Variants in PRUNE1 observed in about 807,000 individuals in gnomAD.
The protein encoded by PRUNE1 is prune exopolyphosphatase 1, also known as exopolyphosphatase PRUNE1.
Under a neutral mutation model 42.5 loss-of-function variants are expected in PRUNE1, and 25 were observed. The observed-to-expected ratio is 0.59, with a 90% CI of 0.43 to 0.82. The LOEUF (loss-of-function observed/expected upper bound fraction) is 0.82. Ranked by LOEUF, PRUNE1 falls within the 40% of genes least tolerant of loss-of-function variation. The pLI is 0.00. For synonymous variants in PRUNE1, 203 were observed against 217.1 expected, an observed-to-expected ratio of 0.93 and a Z score of 0.57; for missense variants, 443 against 539.3, an observed-to-expected ratio of 0.82 and a Z score of 1.77.
chr1:151,030,936 G>A (rs1292427334), intron 7 of PRUNE1, among the ~76,000 whole-genome samples: 3 of 152,110 alleles, frequency 2.0e-5, no homozygotes, highest in Admixed American at 6.6e-5. Context: ...ATCATTAAAC[G>A]TAATATCATG....
chr1:151,021,452 T>C (rs1303251919), intron 3 of PRUNE1, among the ~76,000 whole-genome samples: 4 of 152,132 alleles, frequency 2.6e-5, no homozygotes. Context: ...CGAAACTCCG[T>C]CTCAAAAAAA....
Position 151,019,979 on chromosome 1 carries a change from G to C in PRUNE1, c.335+1310G>C, listed in dbSNP as rs587761488. On this transcript the variant is annotated intron_variant, in intron 3 of 7. Transcript: ENST00000271620. The stretch of plus-strand genomic sequence containing the variant: ...CCTGAGTAGCTGGGATTACAGGTGC[G>C]CGCCACCATGCCCAGCTAATTTTTA... Among the ~76,000 whole-genome samples, 14 of 150,772 alleles carry C rather than the reference G, an allele frequency of 9.3e-5. No homozygotes were observed. In the East Asian group the frequency reaches 2.8e-3, roughly 30 times the overall value.
Position 151,015,633 on chromosome 1 carries a change from C to CA in PRUNE1, c.40-2158dup, listed in dbSNP as rs34251388. ...TGGGCGACAGAGTGAGACTCCATCTCAAAAAAAAAAAAAAAAAAAAATTAG... is the reference window on the plus strand; with the variant it reads ...TGGGCGACAGAGTGAGACTCCATCTCAAAAAAAAAAAAAAAAAAAAAATTAG... On this transcript the variant is annotated intron_variant, in intron 1 of 7. Coordinates refer to ENST00000271620, the MANE Select transcript of PRUNE1 (RefSeq NM_021222.3). 2.6e-3 allele frequency among the ~76,000 whole-genome samples: 227 copies of CA among 86,780 alleles called. 1 individual carries two copies. The highest frequency in any genetic ancestry group is 6.0e-3 in the Middle Eastern group (1 of 168). 56.9% of individuals were successfully genotyped at this position (86,780 alleles called of 152,430 possible).
At chr1:151,029,726 A>T (rs1010026709) in intron 7 of PRUNE1, among the ~76,000 whole-genome samples, 1 of 146,218 alleles carries the variant, frequency 6.8e-6, no homozygotes, top group Non-Finnish European at 1.5e-5. Context: ...TCTGTTGGGG[A>T]AAAAAAAAAA....
At chr1:151,027,374 A>G in intron 6 of PRUNE1, 47 bp downstream of exon 6, 2 of 1,332,022 alleles carry the variant, frequency 1.5e-6, no homozygotes, top group South Asian at 1.2e-5. Flanking sequence ...GCCTTTAGCT[A>G]TGCATGTTAT....
At chr1:151,012,643 C>A (rs587645969) in intron 1 of PRUNE1, among the ~76,000 whole-genome samples, 2 of 152,244 alleles carry the variant, frequency 1.3e-5, no homozygotes, top group South Asian at 4.1e-4. Flanking sequence ...TAGACTTGAA[C>A]AACGGGGAGA....
chr1:151,028,333 G>A (rs934523425), intron 6 of PRUNE1, among the ~76,000 whole-genome samples: 6 of 151,806 alleles, frequency 4.0e-5, no homozygotes, highest in South Asian at 2.1e-4. Context: ...TCTGCCTCCC[G>A]GGTTCAAGTA....
In PRUNE1 at chr1:151,008,565, G is replaced by C. The variant is rs1332352624; in HGVS notation, c.-68G>C. The C allele has an allele frequency of 1.3e-6, 2 of 1,585,746 alleles. No homozygotes were observed. The highest frequency in any genetic ancestry group is 3.3e-5 in the Admixed American group (2 of 59,978). On this transcript the variant is annotated 5_prime_UTR_variant, in exon 1 of 8. Coordinates refer to ENST00000271620, the MANE Select transcript of PRUNE1 (RefSeq NM_021222.3). ...AGTCCCGGGCGGGCTGCATTCGTCG[G>C]GGAAACCTCTCCTCGACCAGGGGCA...
At chr1:151,017,755 A>G (rs1266785180) in intron 1 of PRUNE1, 57 bp from the exon 2 acceptor site, 43 of 1,128,028 alleles carry the variant, frequency 3.8e-5, no homozygotes, top group Middle Eastern at 2.9e-4. Context: ...AAAAAAAAAG[A>G]TAAGTGGAAA....
intron 7 of PRUNE1, among the ~76,000 whole-genome samples, chr1:151,031,166 G>GTTTTTTT (rs1182348797): frequency 4.3e-4 from 63 of 146,216 alleles, no homozygotes; most frequent in African/African-American, 1.6e-3. Context: ...TTCTCTCTCT[G>GTTTTTTT]TTTTGTTTTT....
chr1:151,030,371 C>G (rs1185837061), intron 7 of PRUNE1, among the ~76,000 whole-genome samples: 3 of 152,022 alleles, frequency 2.0e-5, no homozygotes, highest in African/African-American at 4.8e-5. Flanking sequence ...ATCCTTTGCT[C>G]TCATAGAAGG....
chr1:151,017,152 TAATC>T (rs1330084891), intron 1 of PRUNE1, among the ~76,000 whole-genome samples: 3 of 138,020 alleles, frequency 2.2e-5, no homozygotes, highest in Admixed American at 2.2e-4. Context: ...GGGAAGAAAA[TAATC>T]AACCAGGGTT....
chr1:151,025,897 C>T (rs965001174), intron 5 of PRUNE1, among the ~76,000 whole-genome samples: 27 of 151,756 alleles, frequency 1.8e-4, no homozygotes, highest in African/African-American at 4.6e-4. Flanking sequence ...CCCACCACCA[C>T]GCCCAGCTAA....
chr1:151,027,821 G>A (rs754582144), intron 6 of PRUNE1, among the ~76,000 whole-genome samples: 3 of 151,612 alleles, frequency 2.0e-5, no homozygotes, highest in Non-Finnish European at 4.4e-5. Context: ...GTCTCACTAT[G>A]TTGCCCAGGC....
intron 7 of PRUNE1, among the ~76,000 whole-genome samples, chr1:151,029,818 AC>A (rs1675130060): frequency 6.6e-6 from 1 of 151,964 alleles, no homozygotes; most frequent in South Asian, 2.1e-4. Context: ...AATACGAGAG[AC>A]CTTTTCTGCT....
chr1:151,027,779 TGTGC>T lies in PRUNE1; in HGVS notation c.774+454_774+457del, dbSNP rs768024009. On this transcript the variant is annotated intron_variant, in intron 6 of 7. Transcript: ENST00000271620. Reference sequence around the variant, plus strand: ...GTGTGTGTGTGTGTGTGTGTGTGTGTGTGCGCGCGCGTGTATGTATGTGTCGATG... The same window carrying T: ...GTGTGTGTGTGTGTGTGTGTGTGTGTGCGCGCGTGTATGTATGTGTCGATG... Among the ~76,000 whole-genome samples, 602 of 147,674 alleles carry T rather than the reference TGTGC, an allele frequency of 4.1e-3. 3 individuals are homozygous for T. The highest frequency in any genetic ancestry group is 0.014 in the Middle Eastern group (4 of 286).
rs779961113 is a variant in PRUNE1 at position 151,025,676 on chromosome 1, A to T, written c.679+3A>T. 1 of 1,609,728 alleles carries T rather than the reference A, an allele frequency of 6.2e-7. No individual in the cohort carries two copies. Among genetic ancestry groups the T allele is most frequent in the Non-Finnish European group, 8.5e-7 (1 of 1,177,894 alleles). On this transcript the variant is annotated splice_donor_region_variant and intron_variant, in intron 5 of 7. Coordinates refer to ENST00000271620, the MANE Select transcript of PRUNE1 (RefSeq NM_021222.3). Reference sequence around the variant, plus strand: ...AAAGGCAAAGTTTGATGTATCAGGTATGAAATGTTAGCTGACTTTTCTGCC... The same window carrying T: ...AAAGGCAAAGTTTGATGTATCAGGTTTGAAATGTTAGCTGACTTTTCTGCC...
intron 6 of PRUNE1, 68 bp from the exon 7 acceptor site, chr1:151,028,718 C>A (rs955998718): frequency 1.3e-6 from 2 of 1,537,796 alleles, no homozygotes; most frequent in South Asian, 1.2e-5. Flanking sequence ...CGACCGTGCC[C>A]GGCCCAAGGA....
intron 1 of PRUNE1, chr1:151,008,934 G>T (rs1558070003): frequency 1.6e-6 from 1 of 637,056 alleles, no homozygotes; most frequent in Non-Finnish European, 2.9e-6. Context: ...GAAGTCTTGG[G>T]TCTGAATCCT....
Sources: allele counts gnomAD v4.1 joint callset (sites outside exome capture counted in the v4.1 genomes callset), GRCh38; gene constraint gnomAD v4.1.1; transcripts MANE v1.5; gene names NCBI Gene and HGNC (gene_info 2026-07-23, HGNC 2026-07-21).